The following TMEM35A variants were observed in gnomAD, a reference collection of about 807,000 sequenced individuals.
TMEM35A encodes transmembrane protein 35A, also known as nicotinic acetylcholine receptor chaperone.
For synonymous variants in TMEM35A, 50 were observed against 54.7 expected (o/e 0.91, Z 0.38); for missense variants, 83 against 132.7 (o/e 0.63, Z 1.84).
intron 1 of TMEM35A, among the ~76,000 whole-genome samples, chrX:101,080,034 A>G (rs2089287409): frequency 9.0e-6 from 1 of 111,411 alleles, no homozygotes; most frequent in Non-Finnish European, 1.9e-5. Flanking sequence ...TGTTTCCAGC[A>G]CTTTCGGGTC....
In TMEM35A at chrX:101,088,197, C is replaced by CA. The variant is rs750867601; in HGVS notation, c.121-6368dup. On this transcript the variant is annotated intron_variant, in intron 1 of 1. Transcript: ENST00000372930. ...TGGGTGACAGAGCCAGATTCCATCT[C>CA]AAAAAAAACAAAAAACAAAAAACAA... Among the ~76,000 whole-genome samples the CA allele has an allele frequency of 3.7e-4, 40 of 109,066 alleles. No homozygotes were observed. In the East Asian group the frequency reaches 7.6e-3, roughly 21 times the overall value. 94.7% of individuals were successfully genotyped at this position (109,066 alleles called of 115,157 possible). A position where few individuals can be genotyped will look rare whatever the true frequency, so the allele number is the denominator to read the frequency against.
At chrX:101,090,419 C>T (rs762502341) in intron 1 of TMEM35A, among the ~76,000 whole-genome samples, 18 of 107,623 alleles carry the variant, frequency 1.7e-4, no homozygotes, top group African/African-American at 5.5e-4. Flanking sequence ...CTGCCCGCCT[C>T]GGCCTCCCAA....
intron 1 of TMEM35A, among the ~76,000 whole-genome samples, chrX:101,093,884 C>T (rs1204742465): frequency 9.0e-6 from 1 of 111,335 alleles, no homozygotes; most frequent in East Asian, 2.8e-4. Flanking sequence ...TGTGTCCTCA[C>T]ATGGCAGAAG....
chrX:101,092,549 A>C (rs1345450480), intron 1 of TMEM35A, among the ~76,000 whole-genome samples: 1 of 111,580 alleles, frequency 9.0e-6, no homozygotes, highest in Admixed American at 9.7e-5. Flanking sequence ...TGTACAATAA[A>C]TATTTCTTGA....
intron 1 of TMEM35A, chrX:101,081,735 T>C (rs2089292477): frequency 8.9e-6 from 1 of 112,287 alleles, no homozygotes; most frequent in African/African-American, 3.2e-5. Flanking sequence ...CAAAGCGTTG[T>C]TGCTGCTGTT....
chrX:101,091,300 CTCTT>C (rs1462002445), intron 1 of TMEM35A, among the ~76,000 whole-genome samples: 14 of 82,176 alleles, frequency 1.7e-4, no homozygotes, highest in African/African-American at 6.9e-4. Context: ...TTCTCTCTCT[CTCTT>C]TTTTTTTTTT....
At chrX:101,079,821 C>T (rs773197064) in intron 1 of TMEM35A, among the ~76,000 whole-genome samples, 3 of 111,906 alleles carry the variant, frequency 2.7e-5, no homozygotes, top group Non-Finnish European at 5.6e-5. Context: ...CTCCCGCAAA[C>T]AGTCCGTAAT....
intron 1 of TMEM35A, among the ~76,000 whole-genome samples, chrX:101,092,530 C>T (rs189694261): frequency 2.4e-4 from 27 of 111,236 alleles, no homozygotes; most frequent in Non-Finnish European, 7.5e-5. Flanking sequence ...ATGCAAAACC[C>T]ATAATAGGTG....
At chrX:101,092,805 G>C (rs2089327883) in intron 1 of TMEM35A, among the ~76,000 whole-genome samples, 1 of 110,797 alleles carries the variant, frequency 9.0e-6, no homozygotes, top group Non-Finnish European at 1.9e-5. Flanking sequence ...AGGTTGCAGT[G>C]AGCCAAAATT....
Position 101,095,212 on chromosome X carries a change from G to A in TMEM35A, c.*256G>A, listed in dbSNP as rs2089335787. ...CATGTACATGTATACGGCTACTATT[G>A]AAGTGTAATTGTGAGATGGACTCCA... On this transcript the variant is annotated 3_prime_UTR_variant, in exon 2 of 2. Transcript: ENST00000372930. 5.9e-6 allele frequency: 2 copies of A among 337,825 alleles called. No homozygotes were observed. Among genetic ancestry groups the A allele is most frequent in the East Asian group, 1.0e-4 (2 of 19,728 alleles). The allele number at this position is 337,825 out of a possible 1,213,427, so 27.8% of individuals were successfully genotyped here. A position where few individuals can be genotyped will look rare whatever the true frequency, so the allele number is the denominator to read the frequency against.
intron 1 of TMEM35A, among the ~76,000 whole-genome samples, chrX:101,090,857 G>A (rs1262093821): frequency 1.3e-4 from 13 of 100,381 alleles, no homozygotes; most frequent in African/African-American, 4.8e-4. Flanking sequence ...TTTTTTTTGA[G>A]ACGGAGTCTT....
Position 101,095,051 on chromosome X carries a change from T to C in TMEM35A, c.*95T>C. 1.0e-6 allele frequency: 1 copy of C among 981,694 alleles called. No individual in the cohort carries two copies. The highest frequency in any genetic ancestry group is 1.4e-6 in the Non-Finnish European group (1 of 738,490). 80.9% of individuals were successfully genotyped at this position (981,694 alleles called of 1,213,427 possible). On this transcript the variant is annotated 3_prime_UTR_variant, in exon 2 of 2. Transcript: ENST00000372930. Reference sequence around the variant, plus strand: ...TGTTTTTCATTTGATTTATTTATCTTGGGGAAAGTGAAAAATGTAATCTGC... The same window carrying C: ...TGTTTTTCATTTGATTTATTTATCTCGGGGAAAGTGAAAAATGTAATCTGC...
At position 101,094,680 on chromosome X, in the gene TMEM35A, C is replaced by G. The variant is rs1199360740; in HGVS notation, c.228C>G (p.Gly76=). The change falls in exon 2 of 2, where the codon GGC becomes GGG. Residue 76 remains glycine (G), a synonymous_variant. Transcript: ENST00000372930. ...KSIGALEVAC[G]IVMTLVPGRP... is the part of the protein sequence containing the mutation. ...TTGGTGCCCTTGAAGTGGCCTGTGGCATCGTCATGACCCTTGTGCCTGGGC... is the reference window on the plus strand; with the variant it reads ...TTGGTGCCCTTGAAGTGGCCTGTGGGATCGTCATGACCCTTGTGCCTGGGC... The G allele has an allele frequency of 2.5e-6, 3 of 1,209,622 alleles. No individual in the cohort carries two copies. The African/African-American group carries it at 5.3e-5, about 21-fold the overall frequency.
At chrX:101,091,490 G>T (rs1383465460) in intron 1 of TMEM35A, among the ~76,000 whole-genome samples, 1 of 110,260 alleles carries the variant, frequency 9.1e-6, no homozygotes, top group East Asian at 2.9e-4. Context: ...ACTTTTTGTA[G>T]AGACAGGGTC....
intron 1 of TMEM35A, among the ~76,000 whole-genome samples, chrX:101,087,727 C>A (rs2089311572): frequency 8.9e-6 from 1 of 111,914 alleles, no homozygotes; most frequent in East Asian, 2.8e-4. Context: ...ATTCAGCCAG[C>A]ATCTGGAAGT....
At chrX:101,083,975 G>C (rs1276555010) in intron 1 of TMEM35A, among the ~76,000 whole-genome samples, 1 of 110,044 alleles carries the variant, frequency 9.1e-6, no homozygotes, top group Non-Finnish European at 1.9e-5. Context: ...AAGTAGAATA[G>C]GTCGGGAGTT....
intron 1 of TMEM35A, chrX:101,081,813 A>G (rs2089292650): frequency 8.9e-6 from 1 of 111,778 alleles, no homozygotes; most frequent in African/African-American, 3.2e-5. Context: ...CGTTATTTTT[A>G]TTTTACTGAT....
Position 101,094,537 on chromosome X carries a change from T to C in TMEM35A, c.121-36T>C, listed in dbSNP as rs371557804. The C allele has an allele frequency of 1.9e-5, 22 of 1,153,154 alleles. No individual in the cohort carries two copies. In the African/African-American group the frequency reaches 2.7e-4, roughly 14 times the overall value. On this transcript the variant is annotated intron_variant, in intron 1 of 1. Transcript: ENST00000372930. ...TTCATTCTAATGTTAAAATCATGGT[T>C]AATGCAGTAATTTCCTTACAATATT...
chrX:101,082,636 G>T (rs2089296064), intron 1 of TMEM35A, among the ~76,000 whole-genome samples: 1 of 109,678 alleles, frequency 9.1e-6, no homozygotes, highest in South Asian at 3.9e-4. Context: ...TTGAAATCAA[G>T]CATATATATA....
Sources: gnomAD v4.1 joint callset for allele counts (sites outside exome capture counted in the v4.1 genomes callset) on GRCh38, gnomAD v4.1.1 for gene constraint, MANE v1.5 for transcripts, NCBI Gene and HGNC (gene_info 2026-07-23, HGNC 2026-07-21) for gene names.